PARP9: variants seen among roughly 807,000 people sequenced by gnomAD.
The protein encoded by PARP9 is poly(ADP-ribose) polymerase family member 9.
In PARP9, 48 loss-of-function variants were observed where a neutral mutation model predicts 68.8. That is an observed-to-expected ratio of 0.70 (90% confidence interval 0.55 to 0.89). The LOEUF is 0.89. Ranked by LOEUF, PARP9 falls within the 40% of genes least tolerant of loss-of-function variation. The pLI, the probability that PARP9 is intolerant of heterozygous loss-of-function variation, is 0.00. For synonymous variants in PARP9, 309 were observed against 333.8 expected (o/e 0.93, Z 0.81); for missense variants, 806 against 969.3 (o/e 0.83, Z 2.24).
At position 122,554,885 on chromosome 3, in the gene PARP9, AT is replaced by A. The variant is rs111889676; in HGVS notation, c.885+400del. ...AGATGTGCATCACCATGCCCTGATAATTTTTTTTTTTTTTTGAGACAGGGTC... is the reference window on the plus strand; with the variant it reads ...AGATGTGCATCACCATGCCCTGATAATTTTTTTTTTTTTTGAGACAGGGTC... On this transcript the variant is annotated intron_variant, in intron 4 of 10. Coordinates refer to ENST00000682323, the MANE Select transcript of PARP9 (RefSeq NM_001146105.2). 9.0e-3 allele frequency among the ~76,000 whole-genome samples: 1,290 copies of A among 143,380 alleles called. 9 individuals are homozygous for A. The highest frequency in any genetic ancestry group is 0.02 in the African/African-American group (803 of 39,226). The allele number at this position is 143,380 out of a possible 152,430, so 94.1% of individuals were successfully genotyped here. A position where few individuals can be genotyped will look rare whatever the true frequency, so the allele number is the denominator to read the frequency against.
intron 6 of PARP9, among the ~76,000 whole-genome samples, chr3:122,550,323 C>G (rs1308069521): frequency 6.6e-6 from 1 of 152,144 alleles, no homozygotes; most frequent in Non-Finnish European, 1.5e-5. Context: ...AGGTGATCCG[C>G]CTGCCTCCGC....
chr3:122,530,935 C>T (rs772784978), intron 10 of PARP9, among the ~76,000 whole-genome samples: 3 of 152,194 alleles, frequency 2.0e-5, no homozygotes, highest in Non-Finnish European at 4.4e-5. Flanking sequence ...TTGTGCCACT[C>T]ACCTGGATTC....
intron 1 of PARP9, among the ~76,000 whole-genome samples, chr3:122,562,692 T>C (rs1302593510): frequency 2.0e-5 from 3 of 152,216 alleles, no homozygotes; most frequent in Admixed American, 2.0e-4. Context: ...GGTAGTAGCT[T>C]ATACACACAC....
chr3:122,562,641 C>A (rs376032227), intron 1 of PARP9, among the ~76,000 whole-genome samples: 6 of 152,310 alleles, frequency 3.9e-5, no homozygotes, highest in South Asian at 2.1e-4. Context: ...AGTCAATCAG[C>A]GCTTCTCCTG....
chr3:122,563,842 C>T (rs1318431298), intron 1 of PARP9, among the ~76,000 whole-genome samples: 1 of 152,108 alleles, frequency 6.6e-6, no homozygotes, highest in East Asian at 1.9e-4. Context: ...ACATCAGGGC[C>T]TTGCTCTGCT....
intron 4 of PARP9, among the ~76,000 whole-genome samples, chr3:122,552,980 A>C (rs968545047): frequency 1.3e-5 from 2 of 152,124 alleles, no homozygotes; most frequent in African/African-American, 2.4e-5. Flanking sequence ...AAATGGTTTC[A>C]TCTCTGCCCG....
chr3:122,545,030 T>C (rs139211007), intron 7 of PARP9, among the ~76,000 whole-genome samples: 4 of 152,328 alleles, frequency 2.6e-5, no homozygotes, highest in African/African-American at 9.6e-5. Flanking sequence ...TGAGTAACAC[T>C]GAGTTAACCC....
intron 10 of PARP9, chr3:122,535,065 C>T: frequency 1.0e-6 from 1 of 982,986 alleles, no homozygotes; most frequent in Non-Finnish European, 1.2e-6. Context: ...AGAATACTCA[C>T]TAGATTTGGA....
Position 122,558,462 on chromosome 3 carries a change from G to C in PARP9, c.21C>G (p.Ala7=). 2.5e-6 allele frequency: 4 copies of C among 1,613,664 alleles called. No homozygotes were observed. Among genetic ancestry groups the C allele is most frequent in the Middle Eastern group, 1.7e-4 (1 of 6,058 alleles). MDFSMV[A]GAAAYNEKSE... ...ATTTTTCATTGTAAGCTGCTGCTCCGGCCACCTGTGAAAAATGAGAATGGC... is the reference window on the plus strand; with the variant it reads ...ATTTTTCATTGTAAGCTGCTGCTCCCGCCACCTGTGAAAAATGAGAATGGC... Residue 7 remains alanine (A), a synonymous_variant, in exon 3 of 11, where the codon GCC becomes GCG. Coordinates refer to ENST00000682323, the MANE Select transcript of PARP9 (RefSeq NM_001146105.2).
intron 4 of PARP9, among the ~76,000 whole-genome samples, chr3:122,553,236 ATC>A (rs2079363952): frequency 1.3e-5 from 2 of 152,052 alleles, no homozygotes; most frequent in Non-Finnish European, 2.9e-5. Flanking sequence ...CAAGTTCTTC[ATC>A]TCTCTCTTCA....
At position 122,546,452 on chromosome 3, in the gene PARP9, A is replaced by G. The variant is rs541773096; in HGVS notation, c.1327-963T>C. Among the ~76,000 whole-genome samples the G allele has an allele frequency of 3.9e-5, 6 of 152,384 alleles. No homozygotes were observed. The East Asian group carries it at 5.8e-4, about 15-fold the overall frequency. Reference sequence around the variant, plus strand: ...TGATTTTTCCCAACTATAGGCAAATATAAGTGTTCTGAACATGTTTAAGGT... The same window carrying G: ...TGATTTTTCCCAACTATAGGCAAATGTAAGTGTTCTGAACATGTTTAAGGT... On this transcript the variant is annotated intron_variant, in intron 6 of 10. Coordinates refer to ENST00000682323, the MANE Select transcript of PARP9 (RefSeq NM_001146105.2).
chr3:122,536,485 G>C (rs1455426637), intron 9 of PARP9, 143 bp from the exon 10 acceptor site: 1 of 1,375,514 alleles, frequency 7.3e-7, no homozygotes, highest in Non-Finnish European at 9.6e-7. Flanking sequence ...AGTTGCAAAA[G>C]AGTCTCTCCT....
At chr3:122,535,523 T>G in intron 10 of PARP9, 3 of 985,378 alleles carry the variant, frequency 3.0e-6, no homozygotes, top group Non-Finnish European at 3.6e-6. Context: ...TTTTCCTCTT[T>G]TGGAGAGAAC....
At chr3:122,540,330 CT>C in intron 8 of PARP9, 141 bp downstream of exon 8, 1 of 1,083,374 alleles carries the variant, frequency 9.2e-7, no homozygotes, top group Non-Finnish European at 1.3e-6. Flanking sequence ...CTCACAAAGG[CT>C]TATGATCTAA....
intron 10 of PARP9, chr3:122,534,470 T>C: frequency 1.0e-6 from 1 of 979,366 alleles, no homozygotes; most frequent in Non-Finnish European, 1.2e-6. Context: ...CAGTGGCTGT[T>C]GTGTGTTTTG....
chr3:122,537,992 A>G (rs975087249), intron 8 of PARP9, among the ~76,000 whole-genome samples: 7 of 152,204 alleles, frequency 4.6e-5, no homozygotes, highest in Admixed American at 3.3e-4. Flanking sequence ...AAGACCAAGT[A>G]TACTAAAATG....
chr3:122,554,869 T>A (rs1007878068), intron 4 of PARP9, among the ~76,000 whole-genome samples: 1 of 151,730 alleles, frequency 6.6e-6, no homozygotes, highest in Non-Finnish European at 1.5e-5. Flanking sequence ...CAGATGTGCA[T>A]CACCATGCCC....
intron 8 of PARP9, among the ~76,000 whole-genome samples, chr3:122,539,827 G>A (rs889004673): frequency 2.0e-5 from 3 of 152,084 alleles, no homozygotes; most frequent in Non-Finnish European, 1.5e-5. Flanking sequence ...GCCTCCCAAA[G>A]TGCCGGGATT....
upstream of PARP9, chr3:122,564,562 C>G: frequency 6.2e-7 from 1 of 1,608,336 alleles, no homozygotes; most frequent in Non-Finnish European, 8.5e-7. Flanking sequence ...GGTCAGCACC[C>G]AGGAACACGA....
Sources: allele counts gnomAD v4.1 joint callset (sites outside exome capture counted in the v4.1 genomes callset), GRCh38; gene constraint gnomAD v4.1.1; transcripts MANE v1.5; gene names NCBI Gene and HGNC (gene_info 2026-07-23, HGNC 2026-07-21).